SORCS2: variants seen among roughly 807,000 people sequenced by gnomAD.
SORCS2 encodes the protein sortilin related VPS10 domain containing receptor 2.
SORCS2 carries 100 observed loss-of-function variants against 141.6 expected under a neutral mutation model. The observed-to-expected ratio is 0.71, with a 90% CI of 0.60 to 0.83. The LOEUF (loss-of-function observed/expected upper bound fraction) is 0.83. Among genes scored for constraint, SORCS2 ranks in the 40% least tolerant of loss-of-function variants. SORCS2 has a pLI of 0.00. For missense variants in SORCS2, 1,646 were observed against 1,560.2 expected (o/e 1.05, Z -0.93); for synonymous variants, 789 against 676.9 (o/e 1.17, Z -2.57).
intron 2 of SORCS2, among the ~76,000 whole-genome samples, chr4:7,469,775 C>T (rs79013589): frequency 1.3e-5 from 2 of 152,356 alleles, no homozygotes; most frequent in Non-Finnish European, 2.9e-5. Context: ...AGGCTGAGAA[C>T]CCCTGCAAAG....
intron 3 of SORCS2, among the ~76,000 whole-genome samples, chr4:7,618,421 G>T (rs891525644): frequency 2.0e-5 from 3 of 152,184 alleles, no homozygotes; most frequent in African/African-American, 7.2e-5. Flanking sequence ...GCATTCACCA[G>T]GGAAATCAGG....
Position 7,712,725 on chromosome 4 carries a change from C to T in SORCS2, c.1869-8C>T. On this transcript the variant is annotated splice_polypyrimidine_tract_variant and splice_region_variant and intron_variant, in intron 14 of 26. Transcript: ENST00000507866. The stretch of plus-strand genomic sequence containing the variant: ...TTTTCTCTCCCTTCCCTCCTCTTCC[C>T]ACCCCAGGGTCTTTGGCCACATCAG... 6.2e-7 allele frequency: 1 copy of T among 1,613,948 alleles called. No homozygotes were observed. Among genetic ancestry groups the T allele is most frequent in the Non-Finnish European group, 8.5e-7 (1 of 1,179,840 alleles).
chr4:7,689,007 A>G (rs532112568), intron 10 of SORCS2, among the ~76,000 whole-genome samples: 11 of 152,250 alleles, frequency 7.2e-5, no homozygotes, highest in African/African-American at 2.4e-4. Context: ...GAGGCTCCCA[A>G]TAAAGGTTCT....
At chr4:7,258,069 G>A (rs761580131) in intron 1 of SORCS2, among the ~76,000 whole-genome samples, 29 of 152,232 alleles carry the variant, frequency 1.9e-4, no homozygotes, top group Non-Finnish European at 3.4e-4. Context: ...TCCAGCAGGG[G>A]CGGAGTGCTT....
intron 2 of SORCS2, among the ~76,000 whole-genome samples, chr4:7,501,624 G>A (rs1731981157): frequency 6.6e-6 from 1 of 152,242 alleles, no homozygotes; most frequent in Non-Finnish European, 1.5e-5. Flanking sequence ...CGGTCTTCCT[G>A]TGTACAAGGC....
chr4:7,340,633 A>G (rs1720315989), intron 1 of SORCS2, among the ~76,000 whole-genome samples: 1 of 152,012 alleles, frequency 6.6e-6, no homozygotes, highest in African/African-American at 2.4e-5. Context: ...ACTCCTCTGC[A>G]CTCTTGCACG....
chr4:7,273,528 A>T (rs1451160326), intron 1 of SORCS2, among the ~76,000 whole-genome samples: 1 of 152,210 alleles, frequency 6.6e-6, no homozygotes, highest in Non-Finnish European at 1.5e-5. Context: ...AGGTGTGCCC[A>T]GTAATCAGCC....
intron 4 of SORCS2, among the ~76,000 whole-genome samples, chr4:7,646,056 T>C (rs1175281691): frequency 6.6e-6 from 1 of 152,238 alleles, no homozygotes; most frequent in Non-Finnish European, 1.5e-5. Context: ...CAAATGGGCC[T>C]TGCGCACCCG....
At chr4:7,401,579 T>C (rs1325975643) in intron 2 of SORCS2, among the ~76,000 whole-genome samples, 2 of 152,222 alleles carry the variant, frequency 1.3e-5, no homozygotes, top group Non-Finnish European at 2.9e-5. Context: ...CCCTATGTCC[T>C]GCCTCCTGCT....
At position 7,642,929 on chromosome 4, in the gene SORCS2, A is replaced by T. The variant is rs62290662; in HGVS notation, c.813+4437A>T. 6.5e-3 allele frequency among the ~76,000 whole-genome samples: 995 copies of T among 152,322 alleles called. 6 individuals are homozygous for T. The highest frequency in any genetic ancestry group is 0.017 in the Middle Eastern group (5 of 292). ...GACCTGGAAAACATCACATCTACTC[A>T]CACAGCATCGGCCAAAGCAAGTCAC... On this transcript the variant is annotated intron_variant, in intron 4 of 26. Coordinates refer to ENST00000507866, the MANE Select transcript of SORCS2 (RefSeq NM_020777.3).
intron 1 of SORCS2, among the ~76,000 whole-genome samples, chr4:7,348,224 A>G (rs1720747831): frequency 6.6e-6 from 1 of 152,254 alleles, no homozygotes. Flanking sequence ...CATTAACTCT[A>G]CGTCCTTCAG....
intron 3 of SORCS2, among the ~76,000 whole-genome samples, chr4:7,535,400 G>A (rs994595581): frequency 5.3e-5 from 8 of 152,192 alleles, no homozygotes; most frequent in African/African-American, 1.7e-4. Context: ...TGACCCCCTG[G>A]CTTCTCTGGC....
chr4:7,420,904 T>C (rs1725997773), intron 2 of SORCS2, among the ~76,000 whole-genome samples: 1 of 152,044 alleles, frequency 6.6e-6, no homozygotes, highest in Non-Finnish European at 1.5e-5. Flanking sequence ...CTCGCTTGCC[T>C]CCTCTGCCCG....
chr4:7,216,883 C>T (rs904426847), intron 1 of SORCS2, among the ~76,000 whole-genome samples: 2 of 152,182 alleles, frequency 1.3e-5, no homozygotes, highest in Admixed American at 1.3e-4. Flanking sequence ...ATGGTGGTTT[C>T]CATGGTTCCT....
intron 2 of SORCS2, among the ~76,000 whole-genome samples, chr4:7,403,801 C>T (rs981807632): frequency 5.3e-5 from 8 of 149,558 alleles, no homozygotes; most frequent in South Asian, 2.1e-4. Context: ...AATTTTGTTA[C>T]ATGTGTAGAT....
chr4:7,480,794 G>A (rs1023329213), intron 2 of SORCS2, among the ~76,000 whole-genome samples: 13 of 152,368 alleles, frequency 8.5e-5, no homozygotes, highest in Admixed American at 1.3e-4. Flanking sequence ...GCCGCAGGCC[G>A]GTGCCTTGGA....
intron 3 of SORCS2, among the ~76,000 whole-genome samples, chr4:7,622,192 C>T (rs1000113857): frequency 5.9e-5 from 9 of 152,024 alleles, no homozygotes; most frequent in African/African-American, 9.7e-5. Flanking sequence ...ACCTGTAGCT[C>T]GGGTGGGAGG....
intron 1 of SORCS2, among the ~76,000 whole-genome samples, chr4:7,310,833 C>T (rs949450727): frequency 1.3e-5 from 2 of 152,224 alleles, no homozygotes; most frequent in Non-Finnish European, 2.9e-5. Flanking sequence ...TCCCATGAGT[C>T]AGTAATGCAG....
At chr4:7,691,206 C>A (rs1724226806) in intron 11 of SORCS2, among the ~76,000 whole-genome samples, 1 of 152,230 alleles carries the variant, frequency 6.6e-6, no homozygotes, top group South Asian at 2.1e-4. Context: ...GATGTGGACC[C>A]CAGACTCTGA....
Sources: gnomAD v4.1 joint callset for allele counts (sites outside exome capture counted in the v4.1 genomes callset) on GRCh38, gnomAD v4.1.1 for gene constraint, MANE v1.5 for transcripts, NCBI Gene and HGNC (gene_info 2026-07-23, HGNC 2026-07-21) for gene names.